STXBP6: variants seen among roughly 807,000 people sequenced by gnomAD.
STXBP6 encodes the protein syntaxin-binding protein 6.
A neutral mutation model predicts 26.9 loss-of-function variants in STXBP6; 21 were observed. The observed-to-expected ratio is 0.78, with a 90% CI of 0.55 to 1.12. The LOEUF (loss-of-function observed/expected upper bound fraction) is 1.12. Ranked by LOEUF, STXBP6 falls within the 50% of genes most tolerant of loss-of-function variation. The pLI is 0.00. For missense variants in STXBP6, 232 were observed against 257.9 expected, an observed-to-expected ratio of 0.90 and a Z score of 0.69; for synonymous variants, 97 against 92.6, an observed-to-expected ratio of 1.05 and a Z score of -0.27.
chr14:24,890,255 A>C (rs894019774), intron 2 of STXBP6, among the ~76,000 whole-genome samples: 3 of 152,238 alleles, frequency 2.0e-5, no homozygotes, highest in African/African-American at 7.2e-5. Context: ...TCTAAATCAC[A>C]TTCAGAACAC....
At chr14:24,929,452 C>T (rs1345611942) in intron 2 of STXBP6, among the ~76,000 whole-genome samples, 3 of 152,184 alleles carry the variant, frequency 2.0e-5, no homozygotes, top group African/African-American at 7.2e-5. Context: ...CTTTCTGATA[C>T]AGCAAATTAT....
chr14:24,974,597 G>T, intron 2 of STXBP6, 68 bp downstream of exon 2: 1 of 1,390,776 alleles, frequency 7.2e-7, no homozygotes, highest in Non-Finnish European at 9.7e-7. Flanking sequence ...AAACCTCCTG[G>T]ATACCTCAGA....
chr14:25,031,632 TA>T (rs945724957), intron 1 of STXBP6, among the ~76,000 whole-genome samples: 2 of 152,176 alleles, frequency 1.3e-5, no homozygotes, highest in Admixed American at 1.3e-4. Context: ...AGTAAACTTT[TA>T]TTCTTATGCA....
At chr14:24,994,569 C>T (rs10137010) in intron 1 of STXBP6, among the ~76,000 whole-genome samples, 12,803 of 152,194 alleles carry the variant, frequency 0.084, 1,778 homozygotes, top group African/African-American at 0.29. Context: ...TCCAAGAAGT[C>T]TTTCCAGATG....
rs775206229 is a variant in STXBP6 at position 24,895,094 on chromosome 14, C to T, written c.155-37937G>A. On this transcript the variant is annotated intron_variant, in intron 2 of 5. Transcript: ENST00000323944. The stretch of plus-strand genomic sequence containing the variant: ...TATCTCAAACACTAACCATGGTCCA[C>T]GTGTTAAGCTACTAAATGTTCCCAA... Among the ~76,000 whole-genome samples the T allele has an allele frequency of 3.9e-5, 6 of 152,176 alleles. No homozygotes were observed. In the South Asian group the frequency reaches 6.2e-4, roughly 16 times the overall value.
chr14:25,008,255 G>A (rs1401202949), intron 1 of STXBP6, among the ~76,000 whole-genome samples: 1 of 152,138 alleles, frequency 6.6e-6, no homozygotes, highest in African/African-American at 2.4e-5. Flanking sequence ...TGTAATCCCA[G>A]CACTGTGGGA....
chr14:24,959,920 A>T (rs867283498), intron 2 of STXBP6, among the ~76,000 whole-genome samples: 1 of 152,238 alleles, frequency 6.6e-6, no homozygotes, highest in African/African-American at 2.4e-5. Context: ...CTGACCTCAT[A>T]ACAGTGTACT....
At chr14:24,882,127 C>T (rs2070380423) in intron 2 of STXBP6, among the ~76,000 whole-genome samples, 1 of 151,882 alleles carries the variant, frequency 6.6e-6, no homozygotes, top group Admixed American at 6.6e-5. Flanking sequence ...CGCCTGTAAT[C>T]CCAGCACTTT....
intron 4 of STXBP6, among the ~76,000 whole-genome samples, chr14:24,849,799 T>C (rs537475972): frequency 6.6e-6 from 1 of 152,264 alleles, no homozygotes; most frequent in Non-Finnish European, 1.5e-5. Context: ...AACCATATGG[T>C]GGTGTTAATA....
intron 1 of STXBP6, among the ~76,000 whole-genome samples, chr14:24,980,637 T>C (rs1310344648): frequency 6.6e-6 from 1 of 152,204 alleles, no homozygotes; most frequent in Non-Finnish European, 1.5e-5. Context: ...GGCTATTGGA[T>C]GGGCTTGCCA....
intron 2 of STXBP6, among the ~76,000 whole-genome samples, chr14:24,924,340 A>G (rs1447749375): frequency 6.6e-6 from 1 of 152,176 alleles, no homozygotes; most frequent in African/African-American, 2.4e-5. Flanking sequence ...TCTAGGATAA[A>G]AAAAGACCAA....
At chr14:24,967,309 C>T (rs868404163) in intron 2 of STXBP6, among the ~76,000 whole-genome samples, 1 of 152,212 alleles carries the variant, frequency 6.6e-6, no homozygotes, top group Non-Finnish European at 1.5e-5. Context: ...GATCCCAAAG[C>T]AGGCTGATGC....
intron 1 of STXBP6, among the ~76,000 whole-genome samples, chr14:25,045,837 ACCT>A (rs1268043189): frequency 2.0e-5 from 3 of 151,732 alleles, no homozygotes; most frequent in African/African-American, 7.3e-5. Context: ...TGAACTCCTG[ACCT>A]CAGGTGATCC....
chr14:25,001,303 C>T (rs530656655), intron 1 of STXBP6, among the ~76,000 whole-genome samples: 8 of 152,318 alleles, frequency 5.3e-5, no homozygotes, highest in South Asian at 4.1e-4. Context: ...TTCATACATA[C>T]AGGGCATTCT....
chr14:24,853,556 C>T (rs542122568), intron 4 of STXBP6, among the ~76,000 whole-genome samples: 1 of 152,148 alleles, frequency 6.6e-6, no homozygotes, highest in Admixed American at 6.5e-5. Context: ...TTAGGAATTA[C>T]AGACTTTCAA....
rs1014765426 is a variant in STXBP6, at chr14:24,820,375, G to A, written c.452-1181C>T. ...GGCAAAGAAAGTGCCTGGACTGGAG[G>A]AAGCACTTAGTAAATGTTTTTCCAT... On this transcript the variant is annotated intron_variant, in intron 4 of 5. Coordinates refer to ENST00000323944, the MANE Select transcript of STXBP6 (RefSeq NM_001394410.1). 2.6e-5 allele frequency among the ~76,000 whole-genome samples: 4 copies of A among 152,168 alleles called. No individual in the cohort carries two copies. The East Asian group carries it at 7.7e-4, about 29-fold the overall frequency.
chr14:24,815,195 C>T (rs2067936507), intron 5 of STXBP6, among the ~76,000 whole-genome samples: 1 of 152,056 alleles, frequency 6.6e-6, no homozygotes, highest in East Asian at 1.9e-4. Flanking sequence ...CACACCTCAG[C>T]CTCCTCTTAT....
intron 2 of STXBP6, among the ~76,000 whole-genome samples, chr14:24,870,025 G>A (rs1385232898): frequency 6.6e-6 from 1 of 152,116 alleles, no homozygotes; most frequent in African/African-American, 2.4e-5. Context: ...TTAAAATTGA[G>A]TAACAGGAAC....
At chr14:24,888,310 G>A (rs1056209576) in intron 2 of STXBP6, among the ~76,000 whole-genome samples, 2 of 152,176 alleles carry the variant, frequency 1.3e-5, no homozygotes, top group African/African-American at 2.4e-5. Context: ...TAAAACCTAA[G>A]CTGGCAGTAG....
Sources: allele counts gnomAD v4.1 joint callset (sites outside exome capture counted in the v4.1 genomes callset), GRCh38; gene constraint gnomAD v4.1.1; transcripts MANE v1.5; gene names NCBI Gene and HGNC (gene_info 2026-07-23, HGNC 2026-07-21).